SMG9: variants seen among roughly 807,000 people sequenced by gnomAD.
The protein encoded by SMG9 is nonsense-mediated mRNA decay factor SMG9.
In SMG9, 55 loss-of-function variants were observed where a neutral mutation model predicts 64.0. That is an observed-to-expected ratio of 0.86 (90% CI 0.69 to 1.08). SMG9 has a LOEUF of 1.08. SMG9 is among the 50% of genes least tolerant of loss of function. The pLI is 0.00. For missense variants in SMG9, 554 were observed against 681.3 expected, an observed-to-expected ratio of 0.81 and a Z score of 2.08; for synonymous variants, 244 against 254.8, an observed-to-expected ratio of 0.96 and a Z score of 0.41.
chr19:43,731,509 C>T lies in SMG9; in HGVS notation c.*87G>A. ...ATCCATCAGGCCTGCTGCCGCTCTCCACCCCAGCGGGGGATGGACATCTGT... is the reference window on the plus strand; with the variant it reads ...ATCCATCAGGCCTGCTGCCGCTCTCTACCCCAGCGGGGGATGGACATCTGT... On this transcript the variant is annotated 3_prime_UTR_variant, in exon 14 of 14. Coordinates refer to ENST00000270066, the MANE Select transcript of SMG9 (RefSeq NM_019108.4). 1 of 1,584,724 alleles carries T rather than the reference C, an allele frequency of 6.3e-7. No homozygotes were observed. Among genetic ancestry groups the T allele is most frequent in the East Asian group, 2.3e-5 (1 of 44,234 alleles).
rs1056298821 is a variant in SMG9 at position 43,730,952 on chromosome 19, T to C, written c.*644A>G. On this transcript the variant is annotated 3_prime_UTR_variant, in exon 14 of 14. Transcript: ENST00000270066. ...GCAGAAGACACGAGGGTAGTTGCTG[T>C]ACTCAGCTGCACCAGTGTATTTTCC... The C allele has an allele frequency of 2.1e-5, 4 of 189,750 alleles. No homozygotes were observed. The highest frequency in any genetic ancestry group is 1.8e-4 in the South Asian group (1 of 5,568). 11.8% of individuals were successfully genotyped at this position (189,750 alleles called of 1,614,324 possible). A position where few individuals can be genotyped will look rare whatever the true frequency, so the allele number is the denominator to read the frequency against.
chr19:43,728,876 A>T lies in SMG9; in HGVS notation c.*2720T>A, dbSNP rs1301925742. On this transcript the variant is annotated 3_prime_UTR_variant, in exon 14 of 14. Transcript: ENST00000270066. Reference sequence around the variant, plus strand: ...ATGTATTCCTGTGTCTGAATTGAAAAGCGTGAGTTCCACCTGCTGGGAATG... The same window carrying T: ...ATGTATTCCTGTGTCTGAATTGAAATGCGTGAGTTCCACCTGCTGGGAATG... 1 of 518,084 alleles carries T rather than the reference A, an allele frequency of 1.9e-6. No homozygotes were observed. The highest frequency in any genetic ancestry group is 6.4e-5 in the Admixed American group (1 of 15,702). The allele number at this position is 518,084 out of a possible 1,614,324, so 32.1% of individuals were successfully genotyped here.
chr19:43,737,183 G>C (rs1968696401), intron 9 of SMG9, among the ~76,000 whole-genome samples: 1 of 152,182 alleles, frequency 6.6e-6, no homozygotes, highest in Non-Finnish European at 1.5e-5. Context: ...TGAGGCAGGA[G>C]AATCACTTGA....
At chr19:43,734,656 T>G (rs1184641048) in intron 9 of SMG9, 161 bp from the exon 10 acceptor site, 1 of 547,212 alleles carries the variant, frequency 1.8e-6, no homozygotes, top group Non-Finnish European at 3.3e-6. Context: ...AATTCAGAGA[T>G]AATCCTCTCA....
At chr19:43,748,537 C>A (rs1969098490) in intron 2 of SMG9, 1 of 443,980 alleles carries the variant, frequency 2.3e-6, no homozygotes, top group African/African-American at 2.0e-5. Flanking sequence ...TAGCATGGCA[C>A]CTGACACATG....
chr19:43,732,600 A>G (rs568870209), intron 13 of SMG9: 35 of 500,164 alleles, frequency 7.0e-5, no homozygotes, highest in Non-Finnish European at 1.2e-4. Flanking sequence ...CCGAGCCTAA[A>G]TTTCCCCACC....
At position 43,747,906 on chromosome 19, in the gene SMG9, G is replaced by A. The variant is rs749146525; in HGVS notation, c.226-9C>T. The A allele has an allele frequency of 3.7e-6, 6 of 1,613,544 alleles. No individual in the cohort carries two copies. Among genetic ancestry groups the A allele is most frequent in the South Asian group, 1.1e-5 (1 of 91,000 alleles). ...GGTGGTGGCTGTTTTGACTACGGAG[G>A]TAAAAAAAATCCCATCAATGGGGGC... On this transcript the variant is annotated splice_polypyrimidine_tract_variant and intron_variant, in intron 3 of 13. Coordinates refer to ENST00000270066, the MANE Select transcript of SMG9 (RefSeq NM_019108.4).
chr19:43,750,835 C>A, intron 1 of SMG9, 88 bp from the exon 2 acceptor site: 1 of 1,257,718 alleles, frequency 8.0e-7, no homozygotes, highest in Non-Finnish European at 1.1e-6. Context: ...TCCCTTCTTT[C>A]TTTTTTTTGG....
chr19:43,749,345 C>T (rs556158138), intron 2 of SMG9, among the ~76,000 whole-genome samples: 2 of 152,158 alleles, frequency 1.3e-5, no homozygotes, highest in South Asian at 2.1e-4. Context: ...AGAAAGATGC[C>T]GAGGTCAGCA....
chr19:43,750,324 G>A (rs904856211), intron 2 of SMG9: 6 of 643,284 alleles, frequency 9.3e-6, no homozygotes, highest in African/African-American at 8.9e-5. Flanking sequence ...TGTTCTTTCT[G>A]TCTGGAATGC....
At chr19:43,735,166 T>A (rs1968616217) in intron 9 of SMG9, among the ~76,000 whole-genome samples, 3 of 152,272 alleles carry the variant, frequency 2.0e-5, no homozygotes, top group Admixed American at 1.3e-4. Flanking sequence ...CTGCATCTAA[T>A]GATCCTCTAT....
rs536610963 is a variant in SMG9, at chr19:43,745,172, C to T, written c.589-288G>A. On this transcript the variant is annotated intron_variant, in intron 5 of 13. Coordinates refer to ENST00000270066, the MANE Select transcript of SMG9 (RefSeq NM_019108.4). ...AGGAAGTCAGTGTGGCTGAACACAG[C>T]GGGAAAAAGGGAAGTCTGATCTTGG... Among the ~76,000 whole-genome samples the T allele has an allele frequency of 7.9e-5, 12 of 152,138 alleles. No individual in the cohort carries two copies. The South Asian group carries it at 2.3e-3, about 29-fold the overall frequency.
chr19:43,733,069 T>C, intron 12 of SMG9, 67 bp from the exon 13 acceptor site: 1 of 1,529,646 alleles, frequency 6.5e-7, no homozygotes, highest in Non-Finnish European at 8.8e-7. Context: ...GTTAACAGCA[T>C]CCTGGGCTTC....
intron 9 of SMG9, 159 bp from the exon 10 acceptor site, chr19:43,734,654 G>T (rs1385472822): frequency 3.7e-6 from 2 of 545,246 alleles, no homozygotes; most frequent in East Asian, 2.9e-5. Context: ...AGAATTCAGA[G>T]ATAATCCTCT....
intron 5 of SMG9, 57 bp from the exon 6 acceptor site, chr19:43,744,941 G>A: frequency 7.3e-7 from 1 of 1,371,478 alleles, no homozygotes; most frequent in Non-Finnish European, 1.0e-6. Flanking sequence ...GAGCTGGAAT[G>A]AGGGGGGGAC....
At position 43,747,664 on chromosome 19, in the gene SMG9, G is replaced by A; in HGVS notation, c.459C>T (p.Gly153=). The A allele has an allele frequency of 2.5e-6, 4 of 1,613,012 alleles. No individual in the cohort carries two copies. The highest frequency in any genetic ancestry group is 3.4e-6 in the Non-Finnish European group (4 of 1,179,516). Residue 153 remains glycine (G), a synonymous_variant, in exon 4 of 14, where the codon GGC becomes GGT. Transcript: ENST00000270066. ...TQPVYQIQNR[G]MGTAAPAAMD... ...TGGCTGCTGGTGCGGCAGTGCCCATGCCCCGGTTCTGGATCTGGTACACAG... is the reference window on the plus strand; with the variant it reads ...TGGCTGCTGGTGCGGCAGTGCCCATACCCCGGTTCTGGATCTGGTACACAG...
chr19:43,742,979 G>C (rs1298186106), intron 6 of SMG9, among the ~76,000 whole-genome samples: 2 of 151,970 alleles, frequency 1.3e-5, no homozygotes, highest in Non-Finnish European at 2.9e-5. Flanking sequence ...GGAGGCTGAG[G>C]CACAAGAATC....
intron 12 of SMG9, 29 bp downstream of exon 12, chr19:43,733,295 C>A: frequency 6.2e-7 from 1 of 1,612,014 alleles, no homozygotes; most frequent in Middle Eastern, 1.7e-4. Context: ...GGACTTGTCT[C>A]TCCATGAACC....
intron 9 of SMG9, 123 bp downstream of exon 9, chr19:43,737,474 C>T (rs1196446148): frequency 6.2e-6 from 5 of 804,238 alleles, no homozygotes; most frequent in South Asian, 1.8e-5. Context: ...GAGTGATTTG[C>T]TCCAACTTAC....
Sources: allele counts gnomAD v4.1 joint callset (sites outside exome capture counted in the v4.1 genomes callset), GRCh38; gene constraint gnomAD v4.1.1; transcripts MANE v1.5; gene names NCBI Gene and HGNC (gene_info 2026-07-23, HGNC 2026-07-21).